LINGO2: variants seen among roughly 807,000 people sequenced by gnomAD.
LINGO2 encodes the protein leucine rich repeat and Ig domain containing 2, also known as leucine-rich repeat and immunoglobulin-like domain-containing nogo receptor-interacting protein 2.
A neutral mutation model predicts 30.6 loss-of-function variants in LINGO2; 14 were observed. That is an observed-to-expected ratio of 0.46 (90% CI 0.30 to 0.72). The LOEUF (loss-of-function observed/expected upper bound fraction) is 0.72. Ranked by LOEUF, LINGO2 falls within the 30% of genes least tolerant of loss-of-function variation. LINGO2 has a pLI of 0.07. For synonymous variants in LINGO2, 317 were observed against 288.5 expected, an observed-to-expected ratio of 1.10 and a Z score of -1.00; for missense variants, 729 against 751.7, an observed-to-expected ratio of 0.97 and a Z score of 0.35.
At chr9:28,035,283 C>CGAA in intron 4 of LINGO2, among the ~76,000 whole-genome samples, 1 of 152,232 alleles carries the variant, frequency 6.6e-6, no homozygotes, top group South Asian at 2.1e-4. Context: ...TAGATAAAGC[C>CGAA]ATATATTTCC....
At chr9:28,867,523 A>C in the LINGO2 span, among the ~76,000 whole-genome samples, 1 of 151,828 alleles carries the variant, frequency 6.6e-6, no homozygotes, top group Non-Finnish European at 1.5e-5. Context: ...CCCCTACTGC[A>C]CCAATGTAAA....
At chr9:29,109,882 C>T in the LINGO2 span, among the ~76,000 whole-genome samples, 1 of 152,206 alleles carries the variant, frequency 6.6e-6, no homozygotes, top group Non-Finnish European at 1.5e-5. Context: ...AGATCATAAT[C>T]TTTCAGCAAA....
intron 4 of LINGO2, among the ~76,000 whole-genome samples, chr9:28,191,493 C>T (rs1161830566): frequency 1.3e-5 from 2 of 152,124 alleles, no homozygotes; most frequent in Admixed American, 6.6e-5. Context: ...AATAAAATCA[C>T]TTGGCTCATT....
At chr9:28,061,983 G>C (rs747766974) in intron 4 of LINGO2, among the ~76,000 whole-genome samples, 3 of 152,070 alleles carry the variant, frequency 2.0e-5, no homozygotes, top group Non-Finnish European at 2.9e-5. Flanking sequence ...TATATGTTTA[G>C]TTTTCAGTGG....
chr9:29,104,888 A>T, the LINGO2 span, among the ~76,000 whole-genome samples: 3 of 152,194 alleles, frequency 2.0e-5, no homozygotes, highest in Non-Finnish European at 4.4e-5. Flanking sequence ...TCTAAACTTT[A>T]TGTAAGAAAT....
At chr9:29,191,760 C>A in the LINGO2 span, among the ~76,000 whole-genome samples, 1 of 152,138 alleles carries the variant, frequency 6.6e-6, no homozygotes, top group Non-Finnish European at 1.5e-5. Context: ...ATTTTTGAAG[C>A]ACTTATTATC....
chr9:28,389,165 AT>A (rs1821723358), intron 2 of LINGO2, among the ~76,000 whole-genome samples: 1 of 152,116 alleles, frequency 6.6e-6, no homozygotes, highest in African/African-American at 2.4e-5. Context: ...GCTTTAGGAG[AT>A]TGTTATCTAA....
chr9:28,877,796 T>C, the LINGO2 span, among the ~76,000 whole-genome samples: 2 of 152,158 alleles, frequency 1.3e-5, no homozygotes, highest in African/African-American at 4.8e-5. Flanking sequence ...AAGAAAGTCA[T>C]TGGTAGCTTG....
intron 4 of LINGO2, among the ~76,000 whole-genome samples, chr9:28,053,911 C>T (rs1250057031): frequency 6.6e-6 from 1 of 151,996 alleles, no homozygotes; most frequent in African/African-American, 2.4e-5. Context: ...AGAATAGATA[C>T]TCAAATGAAG....
At chr9:29,186,757 C>T in the LINGO2 span, among the ~76,000 whole-genome samples, 1 of 151,836 alleles carries the variant, frequency 6.6e-6, no homozygotes, top group Non-Finnish European at 1.5e-5. Flanking sequence ...TGCATCCTGG[C>T]TTCACCACTT....
At chr9:28,337,542 G>A (rs1825630670) in intron 3 of LINGO2, among the ~76,000 whole-genome samples, 1 of 152,134 alleles carries the variant, frequency 6.6e-6, no homozygotes, top group African/African-American at 2.4e-5. Flanking sequence ...TCAGAGACCT[G>A]CACAGCAGCC....
the LINGO2 span, among the ~76,000 whole-genome samples, chr9:28,787,361 C>CA: frequency 6.6e-6 from 1 of 152,026 alleles, no homozygotes; most frequent in East Asian, 1.9e-4. Flanking sequence ...GTATCTATAC[C>CA]AATCAAATAC....
chr9:28,338,325 C>T (rs117152986), intron 3 of LINGO2, among the ~76,000 whole-genome samples: 2,594 of 152,200 alleles, frequency 0.017, 41 homozygotes, highest in South Asian at 0.068. Context: ...TCCCTGTAAC[C>T]CCATAATATC....
chr9:28,147,644 T>G lies in LINGO2; in HGVS notation c.-86-135239A>C, dbSNP rs1827851450. 6.6e-6 allele frequency among the ~76,000 whole-genome samples: 1 copy of G among 151,926 alleles called. No homozygotes were observed. The highest frequency in any genetic ancestry group is 2.4e-5 in the African/African-American group (1 of 41,370). ...GGTGCCAGCCAGCACCTGGGCGAGG[T>G]GCCAGGTGGAAGGGCTCTGGCGGAT... On this transcript the variant is annotated intron_variant, in intron 4 of 5. Coordinates refer to ENST00000379992, the Ensembl canonical transcript of LINGO2. This position sits in a 1 kb window ranked among gnomAD's most constrained non-coding sequence, Gnocchi z 4.7.
At chr9:28,805,345 T>A in the LINGO2 span, among the ~76,000 whole-genome samples, 2 of 152,178 alleles carry the variant, frequency 1.3e-5, no homozygotes, top group Non-Finnish European at 2.9e-5. Context: ...TGTCACTAAG[T>A]GGCTCTGTGG....
chr9:28,285,920 C>T (rs2134146624), intron 4 of LINGO2, among the ~76,000 whole-genome samples: 1 of 152,194 alleles, frequency 6.6e-6, no homozygotes, highest in South Asian at 2.1e-4. Context: ...CTTCTTTCTC[C>T]CAATATATGA....
chr9:28,542,890 C>T (rs1821764168), intron 1 of LINGO2, among the ~76,000 whole-genome samples: 1 of 151,938 alleles, frequency 6.6e-6, no homozygotes, highest in Non-Finnish European at 1.5e-5. Flanking sequence ...TGTTACATGC[C>T]ACACTCCCGT....
At chr9:28,547,230 A>G (rs2135485945) in intron 1 of LINGO2, among the ~76,000 whole-genome samples, 1 of 152,294 alleles carries the variant, frequency 6.6e-6, no homozygotes, top group South Asian at 2.1e-4. Context: ...AAGGGTACAA[A>G]GCAGGCATAC....
chr9:29,060,115 C>A, the LINGO2 span, among the ~76,000 whole-genome samples: 1 of 151,996 alleles, frequency 6.6e-6, no homozygotes, highest in Non-Finnish European at 1.5e-5. Context: ...CTTCTTCACT[C>A]TTCTTTTTTC....
Sources: gnomAD v4.1 joint callset for allele counts (sites outside exome capture counted in the v4.1 genomes callset) on GRCh38, gnomAD v4.1.1 for gene constraint, Gnocchi (gnomAD v3.1) non-coding constraint, MANE v1.5 for transcripts, NCBI Gene and HGNC (gene_info 2026-07-23, HGNC 2026-07-21) for gene names.